The following CAMK2A variants were observed in gnomAD, a reference collection of about 807,000 sequenced individuals.
The protein encoded by CAMK2A is calcium/calmodulin dependent protein kinase II alpha, also known as calcium/calmodulin-dependent protein kinase type II subunit alpha.
CAMK2A carries 7 observed loss-of-function variants against 79.2 expected under a neutral mutation model. The observed-to-expected ratio is 0.09, with a 90% confidence interval of 0.05 to 0.17. The LOEUF (loss-of-function observed/expected upper bound fraction) is 0.17. CAMK2A is among the 10% of genes least tolerant of loss of function. The probability of loss-of-function intolerance (pLI) is 1.00; values close to 1 mark genes in which losing one functional copy is unlikely to be tolerated. For missense variants in CAMK2A, 214 were observed against 646.4 expected (o/e 0.33, Z 7.25); for synonymous variants, 242 against 251.7 (o/e 0.96, Z 0.36).
At chr5:150,289,368 C>A (rs1374894145) in intron 1 of CAMK2A, among the ~76,000 whole-genome samples, 196 bp downstream of exon 1, 4 of 152,214 alleles carry the variant, frequency 2.6e-5, no homozygotes, top group Admixed American at 1.3e-4. Context: ...TAGCTTGGCA[C>A]ATCTGTGCAC....
chr5:150,280,855 C>G (rs1348196124), intron 1 of CAMK2A, among the ~76,000 whole-genome samples: 1 of 152,212 alleles, frequency 6.6e-6, no homozygotes, highest in Non-Finnish European at 1.5e-5. Context: ...TTCTACCCAC[C>G]CTCTTACCAC....
upstream of CAMK2A, chr5:150,289,866 GC>G (rs1757592766): frequency 1.9e-6 from 1 of 529,180 alleles, no homozygotes. Flanking sequence ...TGTTCCCGTT[GC>G]CCCGGTAACT....
At chr5:150,288,422 C>T (rs942638821) in intron 1 of CAMK2A, among the ~76,000 whole-genome samples, 2 of 152,196 alleles carry the variant, frequency 1.3e-5, no homozygotes, top group Non-Finnish European at 1.5e-5. Flanking sequence ...CACGAAGCAC[C>T]TCTTCCTGGT....
chr5:150,257,708 C>A, intron 3 of CAMK2A, 91 bp from the exon 4 acceptor site: 1 of 1,001,132 alleles, frequency 1.0e-6, no homozygotes, highest in Non-Finnish European at 1.5e-6. Flanking sequence ...TATCCAACAC[C>A]CCCCGCTCCC....
At chr5:150,269,282 G>C (rs1235180322) in intron 2 of CAMK2A, among the ~76,000 whole-genome samples, 1 of 152,186 alleles carries the variant, frequency 6.6e-6, no homozygotes, top group Non-Finnish European at 1.5e-5. Flanking sequence ...GCATGGCAAG[G>C]CTCAGCAGAG....
At chr5:150,287,992 G>C (rs1224337931) in intron 1 of CAMK2A, among the ~76,000 whole-genome samples, 2 of 147,490 alleles carry the variant, frequency 1.4e-5, no homozygotes, top group African/African-American at 5.1e-5. Context: ...CAGCCTTCCT[G>C]TATACAGTCA....
intron 3 of CAMK2A, among the ~76,000 whole-genome samples, chr5:150,260,716 C>G (rs568141588): frequency 6.6e-6 from 1 of 152,122 alleles, no homozygotes; most frequent in African/African-American, 2.4e-5. Context: ...TATGGTAGCA[C>G]GTATCATTAA....
chr5:150,256,681 G>A lies in CAMK2A; in HGVS notation c.339-36C>T, dbSNP rs1756073117. On this transcript the variant is annotated intron_variant, in intron 5 of 18. Coordinates refer to ENST00000671881, the MANE Select transcript of CAMK2A (RefSeq NM_015981.4). The surrounding 1 kb of genome is among the most constrained non-coding windows in gnomAD (Gnocchi z 4.6). ...AGAGAGGAAGGGGTCATGGTGGTGT[G>A]AGCACAGGCCTCCCCTGGGAAGCTG... is the stretch of plus-strand genomic sequence containing the variant. 4 of 1,609,808 alleles carry A rather than the reference G, an allele frequency of 2.5e-6. No individual in the cohort carries two copies. The highest frequency in any genetic ancestry group is 3.4e-6 in the Non-Finnish European group (4 of 1,176,136).
Position 150,284,829 on chromosome 5 carries a change from A to G in CAMK2A, c.62+4735T>C, listed in dbSNP as rs553350000. Among the ~76,000 whole-genome samples the G allele has an allele frequency of 2.0e-4, 31 of 152,214 alleles. No individual in the cohort carries two copies. The highest frequency in any genetic ancestry group is 7.5e-4 in the African/African-American group (31 of 41,520). On this transcript the variant is annotated intron_variant, in intron 1 of 18. Coordinates refer to ENST00000671881, the MANE Select transcript of CAMK2A (RefSeq NM_015981.4). The surrounding 1 kb of genome is among the most constrained non-coding windows in gnomAD (Gnocchi z 5.3). Reference sequence around the variant, plus strand: ...GACCAAGGCAAGGACCATCTATGCAATGAGCAGAGCATCTCCATGGTCCTT... The same window carrying G: ...GACCAAGGCAAGGACCATCTATGCAGTGAGCAGAGCATCTCCATGGTCCTT...
intron 17 of CAMK2A, among the ~76,000 whole-genome samples, chr5:150,226,494 T>C (rs1355262183): frequency 1.3e-5 from 2 of 152,044 alleles, no homozygotes; most frequent in Non-Finnish European, 2.9e-5. Context: ...CCCAGCACTT[T>C]GGGAGGCCGA....
At chr5:150,271,319 C>G (rs372780012) in intron 2 of CAMK2A, among the ~76,000 whole-genome samples, 37 of 152,216 alleles carry the variant, frequency 2.4e-4, no homozygotes, top group African/African-American at 5.3e-4. Flanking sequence ...CCAGCCACCC[C>G]CTCTGCTGAT....
At chr5:150,267,224 C>T (rs930563954) in intron 2 of CAMK2A, among the ~76,000 whole-genome samples, 2 of 152,118 alleles carry the variant, frequency 1.3e-5, no homozygotes, top group Admixed American at 1.3e-4. Flanking sequence ...CCAGGCGGGG[C>T]CCTCCCCCTG....
chr5:150,225,560 C>A (rs1164675202), intron 17 of CAMK2A, among the ~76,000 whole-genome samples: 1 of 152,150 alleles, frequency 6.6e-6, no homozygotes, highest in Non-Finnish European at 1.5e-5. Context: ...ATCGCTGAGC[C>A]TTTACAGTTG....
At chr5:150,232,590 A>G (rs1754892592) in intron 15 of CAMK2A, among the ~76,000 whole-genome samples, 1 of 152,214 alleles carries the variant, frequency 6.6e-6, no homozygotes, top group Admixed American at 6.5e-5. Context: ...CCACAGGCTT[A>G]AGCTTGGCTT....
intron 11 of CAMK2A, 81 bp from the exon 12 acceptor site, chr5:150,247,895 C>A: frequency 8.5e-7 from 1 of 1,176,858 alleles, no homozygotes; most frequent in Non-Finnish European, 1.3e-6. Flanking sequence ...GGGAGGGCCA[C>A]GGGGAAGGAG....
chr5:150,228,290 G>C lies in CAMK2A; in HGVS notation c.1143-4C>G. 6.2e-7 allele frequency: 1 copy of C among 1,612,038 alleles called. No homozygotes were observed. The highest frequency in any genetic ancestry group is 8.5e-7 in the Non-Finnish European group (1 of 1,178,536). ...CATGCCAGGGTCGCACATCTTCCTG[G>C]GGGAAAGAAGCCAGAGGGAAGAGGG... On this transcript the variant is annotated splice_polypyrimidine_tract_variant and splice_region_variant and intron_variant, in intron 16 of 18. Coordinates refer to ENST00000671881, the MANE Select transcript of CAMK2A (RefSeq NM_015981.4).
rs10609501 is a variant in CAMK2A at position 150,219,567 on chromosome 5, CG to C, written c.*3142del. 0.24 allele frequency: 11,610 copies of C among 47,788 alleles called. 1,154 individuals carry two copies. The highest frequency in any genetic ancestry group is 0.49 in the East Asian group (704 of 1,436). The allele number at this position is 47,788 out of a possible 1,614,324, so 3.0% of individuals were successfully genotyped here. Reference sequence around the variant, plus strand: ...AAACGCCCCTTCTTCCCATCCCACCCGCCCCCCCCAATAGCAGAAAGTTTGA... The same window carrying C: ...AAACGCCCCTTCTTCCCATCCCACCCCCCCCCCCAATAGCAGAAAGTTTGA... On this transcript the variant is annotated 3_prime_UTR_variant, in exon 19 of 19. Coordinates refer to ENST00000671881, the MANE Select transcript of CAMK2A (RefSeq NM_015981.4).
Position 150,221,240 on chromosome 5 carries a change from A to C in CAMK2A, c.*1470T>G, listed in dbSNP as rs1754291749. The stretch of plus-strand genomic sequence containing the variant: ...GCAAAGAAAACAGTGCAGACAGTAG[A>C]TCCTAGTGGATGTGCCAAGGTATTC... On this transcript the variant is annotated 3_prime_UTR_variant, in exon 19 of 19. Transcript: ENST00000671881. 1.0e-5 allele frequency: 4 copies of C among 396,180 alleles called. No individual in the cohort carries two copies. Among genetic ancestry groups the C allele is most frequent in the Non-Finnish European group, 1.8e-5 (4 of 224,882 alleles). 24.5% of individuals were successfully genotyped at this position (396,180 alleles called of 1,614,324 possible).
chr5:150,282,003 A>C (rs937557745), intron 1 of CAMK2A, among the ~76,000 whole-genome samples: 1 of 152,202 alleles, frequency 6.6e-6, no homozygotes, highest in African/African-American at 2.4e-5. Context: ...CTGGATGCTC[A>C]CTATCCCCTT....
Sources: allele counts gnomAD v4.1 joint callset (sites outside exome capture counted in the v4.1 genomes callset), GRCh38; gene constraint gnomAD v4.1.1; non-coding constraint Gnocchi (gnomAD v3.1); transcripts MANE v1.5; gene names NCBI Gene and HGNC (gene_info 2026-07-23, HGNC 2026-07-21).